Variants in NPRL3 observed in about 807,000 individuals in gnomAD.
NPRL3 encodes GATOR1 complex protein NPRL3.
NPRL3 carries 23 observed loss-of-function variants against 57.2 expected under a neutral mutation model. The observed-to-expected ratio is 0.40, with a 90% CI of 0.29 to 0.57. NPRL3 has a LOEUF of 0.57. NPRL3 is among the 20% of genes least tolerant of loss of function. The probability of loss-of-function intolerance (pLI) is 0.42; values close to 1 mark genes in which losing one functional copy is unlikely to be tolerated. For missense variants in NPRL3, 691 were observed against 767.1 expected, an observed-to-expected ratio of 0.90 and a Z score of 1.17; for synonymous variants, 333 against 321.1, an observed-to-expected ratio of 1.04 and a Z score of -0.39.
rs1242791693 is a variant in NPRL3, at chr16:98,402, T to TC, written c.768-102dup. ...AGGTATGCACCGGGTATGCACCAGG[T>TC]CCTGCACCAGGTATGCACCGGGTAT... On this transcript the variant is annotated intron_variant, in intron 8 of 13. Coordinates refer to ENST00000611875, the MANE Select transcript of NPRL3 (RefSeq NM_001077350.3). 5 of 1,328,694 alleles carry TC rather than the reference T, an allele frequency of 3.8e-6. No individual in the cohort carries two copies. The African/African-American group carries it at 7.4e-5, about 20-fold the overall frequency. The allele number at this position is 1,328,694 out of a possible 1,614,324, so 82.3% of individuals were successfully genotyped here.
Position 100,501 on chromosome 16 carries a change from G to C in NPRL3, c.638C>G (p.Thr213Arg). ...DLKEAYDSLC[T>R]SGVVRLHINS... ...GATGTGAAGCCGAACTACGCCCGAC[G>C]TGCACAGGCTGCAGAGAGTGGGCGC... Residue 213 changes from threonine to arginine, a missense_variant, in exon 8 of 14, where the codon ACG becomes AGG. Physicochemically the swap from Thr to Arg is moderately conservative, Grantham distance 71 (BLOSUM62 -1). Coordinates refer to ENST00000611875, the MANE Select transcript of NPRL3 (RefSeq NM_001077350.3). The C allele has an allele frequency of 6.3e-7, 1 of 1,578,636 alleles. No homozygotes were observed. The highest frequency in any genetic ancestry group is 8.6e-7 in the Non-Finnish European group (1 of 1,165,524).
intron 2 of NPRL3, among the ~76,000 whole-genome samples, chr16:131,018 A>G (rs1224412881): frequency 6.6e-6 from 1 of 152,260 alleles, no homozygotes; most frequent in Non-Finnish European, 1.5e-5. Context: ...ACAAATCATT[A>G]AAATGACAAA....
In NPRL3 at chr16:85,612, G is replaced by A. The variant is rs149820042; in HGVS notation, c.*1093C>T. On this transcript the variant is annotated 3_prime_UTR_variant, in exon 14 of 14. Transcript: ENST00000611875. ...TGGCACAGGATGAAGCTGTATGGCT[G>A]GAGCGTGGTCCCCTGGAGCCCAGTG... is the stretch of plus-strand genomic sequence containing the variant. 2.8e-4 allele frequency: 451 copies of A among 1,607,546 alleles called. 3 individuals carry two copies. The African/African-American group carries it at 5.1e-3, about 18-fold the overall frequency.
At chr16:120,234 GC>G (rs1338986888) in intron 3 of NPRL3, among the ~76,000 whole-genome samples, 2 of 152,200 alleles carry the variant, frequency 1.3e-5, no homozygotes, top group African/African-American at 4.8e-5. Flanking sequence ...TCAGGAGGGT[GC>G]ACTCTCTTGG....
chr16:89,325 G>T (rs1230550771), intron 12 of NPRL3: 3 of 272,330 alleles, frequency 1.1e-5, no homozygotes, highest in Non-Finnish European at 2.1e-5. Context: ...GGGGACCTGG[G>T]ACCTGGCAAC....
chr16:93,328 G>A lies in NPRL3; in HGVS notation c.925-3C>T, dbSNP rs2141909476. The stretch of plus-strand genomic sequence containing the variant: ...AGATGAGCTGCAAGCTGGAAAACCT[G>A]CAGGCAAAAGGGAAGCTGCAAGGAC... On this transcript the variant is annotated splice_region_variant and splice_polypyrimidine_tract_variant and intron_variant, in intron 9 of 13. Transcript: ENST00000611875. 1 of 1,544,014 alleles carries A rather than the reference G, an allele frequency of 6.5e-7. No individual in the cohort carries two copies. Among genetic ancestry groups the A allele is most frequent in the South Asian group, 1.2e-5 (1 of 83,886 alleles).
rs1321557583 is a variant in NPRL3 at position 100,410 on chromosome 16, G to T, written c.729C>A (p.Ile243=). The change falls in exon 8 of 14, where the codon ATC becomes ATA. Residue 243 remains isoleucine (I), a synonymous_variant. Coordinates refer to ENST00000611875, the MANE Select transcript of NPRL3 (RefSeq NM_001077350.3). ...HKIHYAASSL[I]PPEAIERSLK... ...GGCTCCGTTCGATGGCCTCTGGGGG[G>T]ATCAGACTGGAGGCCGCATAGTGGA... The T allele has an allele frequency of 6.2e-7, 1 of 1,601,362 alleles. No individual in the cohort carries two copies. Among genetic ancestry groups the T allele is most frequent in the Non-Finnish European group, 8.5e-7 (1 of 1,174,908 alleles).
Position 89,818 on chromosome 16 carries a change from G to A in NPRL3, c.1246C>T (p.Pro416Ser). ...LHTYVCLMASPSEEEPRPRED... is the reference protein window; with the variant it reads ...LHTYVCLMASSSEEEPRPRED... ...CGCGGACGGGGCTCCTCCTCGCTGG[G>A]TGAGGCCATCAGGCAGACATAGGTG... The change falls in exon 12 of 14, where the codon CCC becomes TCC. Residue 416 changes from proline (P) to serine (S), a missense_variant. Coordinates refer to ENST00000611875, the MANE Select transcript of NPRL3 (RefSeq NM_001077350.3). 6.3e-7 allele frequency: 1 copy of A among 1,591,656 alleles called. No homozygotes were observed. Among genetic ancestry groups the A allele is most frequent in the Non-Finnish European group, 8.5e-7 (1 of 1,170,496 alleles).
intron 8 of NPRL3, among the ~76,000 whole-genome samples, chr16:98,639 T>C (rs928773385): frequency 2.0e-5 from 3 of 152,220 alleles, no homozygotes; most frequent in African/African-American, 7.2e-5. Context: ...GTGGTCTGTT[T>C]GGAGGCCTTC....
chr16:92,766 C>A, intron 10 of NPRL3, 41 bp from the exon 11 acceptor site: 1 of 1,607,398 alleles, frequency 6.2e-7, no homozygotes, highest in Non-Finnish European at 8.5e-7. Context: ...AGCAGACCCC[C>A]CCACCGTGTT....
chr16:85,696 G>A lies in NPRL3; in HGVS notation c.*1009C>T, dbSNP rs749134952. On this transcript the variant is annotated 3_prime_UTR_variant, in exon 14 of 14. Coordinates refer to ENST00000611875, the MANE Select transcript of NPRL3 (RefSeq NM_001077350.3). ...TCGGCCATGCAGGGGAGTGGGCCCG[G>A]AAACCCCTCCGCTTCTATGTCCGGG... The A allele has an allele frequency of 1.3e-6, 2 of 1,547,518 alleles. No homozygotes were observed. The highest frequency in any genetic ancestry group is 2.3e-5 in the East Asian group (1 of 44,126).
At chr16:88,207 T>G (rs1447514257) in intron 13 of NPRL3, among the ~76,000 whole-genome samples, 2 of 151,990 alleles carry the variant, frequency 1.3e-5, no homozygotes, top group Admixed American at 6.5e-5. Context: ...CCAAGTCCCA[T>G]GAGGGTGAGA....
chr16:115,172 G>A (rs1379736282), intron 5 of NPRL3, among the ~76,000 whole-genome samples: 5 of 151,574 alleles, frequency 3.3e-5, no homozygotes, highest in Non-Finnish European at 7.4e-5. Context: ...ATGGGGTTTC[G>A]CTATGTTGCC....
intron 13 of NPRL3, 45 bp downstream of exon 13, chr16:88,653 G>T: frequency 1.9e-6 from 3 of 1,546,730 alleles, no homozygotes; most frequent in South Asian, 1.2e-5. Flanking sequence ...TTTCTGCCCT[G>T]ACCCTGCAAC....
intron 9 of NPRL3, among the ~76,000 whole-genome samples, chr16:94,940 G>A (rs1200843720): frequency 6.6e-6 from 1 of 152,088 alleles, no homozygotes; most frequent in Non-Finnish European, 1.5e-5. Flanking sequence ...GTACTTAAGG[G>A]CAAGCATAAG....
At chr16:121,456 T>C (rs2141964250) in intron 3 of NPRL3, among the ~76,000 whole-genome samples, 1 of 152,140 alleles carries the variant, frequency 6.6e-6, no homozygotes, top group Non-Finnish European at 1.5e-5. Flanking sequence ...AACCCCCGTC[T>C]CTACTAAAAA....
chr16:89,840 G>C lies in NPRL3; in HGVS notation c.1224C>G (p.Thr408=), dbSNP rs2141902467. 1 of 1,580,100 alleles carries C rather than the reference G, an allele frequency of 6.3e-7. No homozygotes were observed. The highest frequency in any genetic ancestry group is 8.6e-7 in the Non-Finnish European group (1 of 1,164,450). ...LQRRLLIQLH[T]YVCLMASPSE... The stretch of plus-strand genomic sequence containing the variant: ...TGGGTGAGGCCATCAGGCAGACATA[G>C]GTGTGCAGCTGGATGAGAAGCCGGC... The change falls in exon 12 of 14, where the codon ACC becomes ACG. Residue 408 remains threonine (T), a synonymous_variant. Coordinates refer to ENST00000611875, the MANE Select transcript of NPRL3 (RefSeq NM_001077350.3).
At chr16:99,872 G>A (rs1899193519) in intron 8 of NPRL3, among the ~76,000 whole-genome samples, 1 of 147,658 alleles carries the variant, frequency 6.8e-6, no homozygotes, top group African/African-American at 2.5e-5. Context: ...GGTGGACGTA[G>A]TGGTGAGCCG....
chr16:91,564 C>T (rs1206611564), intron 11 of NPRL3, among the ~76,000 whole-genome samples: 1 of 152,102 alleles, frequency 6.6e-6, no homozygotes, highest in Non-Finnish European at 1.5e-5. Context: ...TAAGCACTGC[C>T]CCAAGAGCAG....
Sources: allele counts gnomAD v4.1 joint callset (sites outside exome capture counted in the v4.1 genomes callset), GRCh38; gene constraint gnomAD v4.1.1; transcripts MANE v1.5; gene names NCBI Gene and HGNC (gene_info 2026-07-23, HGNC 2026-07-21).